Variants in NYAP2 observed in about 807,000 individuals in gnomAD.
NYAP2 encodes neuronal tyrosine-phosphorylated phosphoinositide-3-kinase adapter 2.
A neutral mutation model predicts 50.4 loss-of-function variants in NYAP2; 23 were observed. The ratio of observed to expected loss-of-function variants is 0.46; its 90% CI spans 0.33 to 0.65. The LOEUF (loss-of-function observed/expected upper bound fraction) is 0.65. Ranked by LOEUF, NYAP2 falls within the 30% of genes least tolerant of loss-of-function variation. The pLI, the probability that NYAP2 is intolerant of heterozygous loss-of-function variation, is 0.02. For missense variants in NYAP2, 885 were observed against 861.0 expected (o/e 1.03, Z -0.35); for synonymous variants, 394 against 365.2 (o/e 1.08, Z -0.90).
At chr2:225,606,335 G>A (rs536367518) in intron 5 of NYAP2, among the ~76,000 whole-genome samples, 15 of 152,152 alleles carry the variant, frequency 9.9e-5, no homozygotes, top group South Asian at 6.2e-4. Flanking sequence ...AAATTTATGC[G>A]CTACATTATT....
intron 3 of NYAP2, among the ~76,000 whole-genome samples, chr2:225,493,285 C>T (rs1037405016): frequency 3.9e-5 from 6 of 152,168 alleles, no homozygotes; most frequent in African/African-American, 1.4e-4. Context: ...CCACACCTGG[C>T]ACATAGCAAC....
chr2:225,440,033 T>G (rs1689445337), intron 3 of NYAP2, among the ~76,000 whole-genome samples: 1 of 152,170 alleles, frequency 6.6e-6, no homozygotes, highest in Admixed American at 6.5e-5. Flanking sequence ...ACTCACTCAT[T>G]ATCACTAGAA....
chr2:225,513,453 C>T, exon 4 of NYAP2: 3 of 1,613,952 alleles, frequency 1.9e-6, no homozygotes, highest in Non-Finnish European at 2.5e-6. Flanking sequence ...AATGCCTGCT[C>T]CTCAGGACAG....
chr2:225,561,075 T>C (rs781542190), intron 4 of NYAP2, among the ~76,000 whole-genome samples: 18 of 151,974 alleles, frequency 1.2e-4, no homozygotes, highest in African/African-American at 3.4e-4. Flanking sequence ...GTGGAACTTA[T>C]GTTCTCGTGG....
At chr2:225,537,874 GGA>G (rs1234054289) in intron 4 of NYAP2, among the ~76,000 whole-genome samples, 2 of 152,120 alleles carry the variant, frequency 1.3e-5, no homozygotes, top group Non-Finnish European at 2.9e-5. Context: ...GATACAATGG[GGA>G]TACAGGCATT....
chr2:225,702,312 T>C, the NYAP2 span: 1 of 151,790 alleles, frequency 6.6e-6, no homozygotes, highest in Non-Finnish European at 1.5e-5. Flanking sequence ...TTTACTAATC[T>C]GTTATTTAAC....
chr2:225,611,140 G>T (rs1257740880), intron 5 of NYAP2, among the ~76,000 whole-genome samples: 1 of 152,046 alleles, frequency 6.6e-6, no homozygotes, highest in Non-Finnish European at 1.5e-5. Context: ...TAGACTATGG[G>T]ATCTACATTA....
At chr2:225,511,363 C>G (rs1485377966) in intron 3 of NYAP2, among the ~76,000 whole-genome samples, 19 of 142,942 alleles carry the variant, frequency 1.3e-4, no homozygotes, top group African/African-American at 4.5e-4. Flanking sequence ...CACACACACA[C>G]ACACACACAC....
intron 4 of NYAP2, among the ~76,000 whole-genome samples, chr2:225,547,851 G>C (rs928744321): frequency 2.0e-5 from 3 of 152,100 alleles, no homozygotes; most frequent in African/African-American, 7.2e-5. Flanking sequence ...TGTTGTTCCC[G>C]TGGGGTTGGG....
At chr2:225,679,493 G>GTTTTTTTTTTTTT in the NYAP2 span, among the ~76,000 whole-genome samples, 1 of 103,884 alleles carries the variant, frequency 9.6e-6, no homozygotes, top group Admixed American at 1.2e-4. Context: ...GCTTCTAATT[G>GTTTTTTTTTTTTT]TTTTTTTTTT....
At chr2:225,540,098 T>C (rs1052928895) in intron 4 of NYAP2, among the ~76,000 whole-genome samples, 5 of 152,240 alleles carry the variant, frequency 3.3e-5, no homozygotes, top group African/African-American at 1.2e-4. Flanking sequence ...ATTGTTCATA[T>C]AATTATCAGC....
intron 3 of NYAP2, among the ~76,000 whole-genome samples, chr2:225,469,688 G>A (rs10181093): frequency 0.2 from 30,823 of 152,116 alleles, 6,055 homozygotes; most frequent in African/African-American, 0.52. Context: ...GGATGAGTTC[G>A]TGTCCTTTGC....
At chr2:225,483,072 G>A (rs1192067410) in intron 3 of NYAP2, among the ~76,000 whole-genome samples, 1 of 152,156 alleles carries the variant, frequency 6.6e-6, no homozygotes, top group Non-Finnish European at 1.5e-5. Context: ...TCCAGGTGAT[G>A]AGTAATGTGA....
At chr2:225,404,453 G>T (rs1160098341) in intron 2 of NYAP2, among the ~76,000 whole-genome samples, 1 of 151,952 alleles carries the variant, frequency 6.6e-6, no homozygotes, top group Non-Finnish European at 1.5e-5. Flanking sequence ...GAAATGGAAT[G>T]CTACTTTAAG....
intron 3 of NYAP2, among the ~76,000 whole-genome samples, chr2:225,512,881 CTTCCTTCCTTCCTTCCT>C (rs1690856351): frequency 7.3e-6 from 1 of 136,426 alleles, no homozygotes; most frequent in Admixed American, 7.7e-5. Context: ...TCCTTCCTTC[CTTCCTTCCTTCCTTCCT>C]TTCCTTTCCT....
At chr2:225,520,666 G>C (rs1324162830) in intron 4 of NYAP2, among the ~76,000 whole-genome samples, 2 of 152,120 alleles carry the variant, frequency 1.3e-5, no homozygotes, top group Non-Finnish European at 2.9e-5. Flanking sequence ...TGCTGTTTTG[G>C]TTACTGTAGC....
At chr2:225,414,098 T>G (rs890588576) in intron 3 of NYAP2, among the ~76,000 whole-genome samples, 5 of 152,226 alleles carry the variant, frequency 3.3e-5, no homozygotes, top group Non-Finnish European at 7.3e-5. Context: ...CTCAGTGTTC[T>G]AAGTCACTTA....
intron 3 of NYAP2, among the ~76,000 whole-genome samples, chr2:225,438,021 C>G (rs1294649635): frequency 6.6e-6 from 1 of 152,136 alleles, no homozygotes; most frequent in Non-Finnish European, 1.5e-5. Flanking sequence ...CTCTCTCTCT[C>G]TGAACTAGTA....
At chr2:225,568,785 A>G (rs984214025) in intron 4 of NYAP2, among the ~76,000 whole-genome samples, 2 of 152,238 alleles carry the variant, frequency 1.3e-5, no homozygotes, top group African/African-American at 4.8e-5. Flanking sequence ...GGATGTGCAT[A>G]GAAGACTTCT....
Sources: allele counts gnomAD v4.1 joint callset (sites outside exome capture counted in the v4.1 genomes callset), GRCh38; gene constraint gnomAD v4.1.1; transcripts MANE v1.5; gene names NCBI Gene and HGNC (gene_info 2026-07-23, HGNC 2026-07-21).